The following PSEN2 variants were observed in gnomAD, a reference collection of about 807,000 sequenced individuals.
PSEN2 encodes presenilin-2.
Under a neutral mutation model 49.1 loss-of-function variants are expected in PSEN2, and 32 were observed. The observed-to-expected ratio is 0.65, with a 90% CI of 0.49 to 0.88. The LOEUF is 0.88. Among genes scored for constraint, PSEN2 ranks in the 40% least tolerant of loss-of-function variants. The pLI is 0.00. For synonymous variants in PSEN2, 255 were observed against 244.0 expected (o/e 1.05, Z -0.42); for missense variants, 522 against 586.9 (o/e 0.89, Z 1.14).
chr1:226,890,185 T>TG (rs759720367), intron 9 of PSEN2, 52 bp downstream of exon 9: 5 of 1,461,546 alleles, frequency 3.4e-6, no homozygotes, highest in African/African-American at 2.8e-5. Flanking sequence ...AGGCAGCCTG[T>TG]GGGGGGACAG....
rs1444327784 is a variant in PSEN2, at chr1:226,889,035, C to A, written c.773C>A (p.Ala258Asp). 1 of 1,613,662 alleles carries A rather than the reference C, an allele frequency of 6.2e-7. No homozygotes were observed. The highest frequency in any genetic ancestry group is 2.2e-5 in the East Asian group (1 of 44,890). ...TGGTCCGCGTGGGTCATCCTGGGCG[C>A]CATCTCTGTGTATGGTAGGTGGGCA... Reference protein sequence around the residue: ...PEWSAWVILGAISVYDLVAVL... With the variant: ...PEWSAWVILGDISVYDLVAVL... The change falls in exon 8 of 13, where the codon GCC becomes GAC. Residue 258 changes from alanine to aspartate, a missense_variant. Coordinates refer to ENST00000366783, the MANE Select transcript of PSEN2 (RefSeq NM_000447.3).
chr1:226,881,882 T>C lies in PSEN2; in HGVS notation c.-20-6T>C, dbSNP rs770896224. On this transcript the variant is annotated splice_polypyrimidine_tract_variant and splice_region_variant and intron_variant, in intron 3 of 12. Coordinates refer to ENST00000366783, the MANE Select transcript of PSEN2 (RefSeq NM_000447.3). ...TGGAACAAGGTCCTTGTGCTCCTTTTTCCAGGTGCTTCCAGAGGCAGGGCT... is the reference window on the plus strand; with the variant it reads ...TGGAACAAGGTCCTTGTGCTCCTTTCTCCAGGTGCTTCCAGAGGCAGGGCT... 10 of 1,614,258 alleles carry C rather than the reference T, an allele frequency of 6.2e-6. No homozygotes were observed. The highest frequency in any genetic ancestry group is 8.5e-6 in the Non-Finnish European group (10 of 1,180,038).
At chr1:226,871,050 A>T (rs1306641804) in intron 1 of PSEN2, 1 of 152,226 alleles carries the variant, frequency 6.6e-6, no homozygotes, top group African/African-American at 2.4e-5. Flanking sequence ...TGGGTCTCTG[A>T]GGCGTGTAGC....
At chr1:226,902,159 A>G (rs1435506575) in intron 12 of PSEN2, among the ~76,000 whole-genome samples, 1 of 152,206 alleles carries the variant, frequency 6.6e-6, no homozygotes, top group Non-Finnish European at 1.5e-5. Flanking sequence ...TCAGGTCATC[A>G]GGCATTAGAT....
At position 226,895,658 on chromosome 1, in the gene PSEN2, A is replaced by T; in HGVS notation, c.*79A>T. On this transcript the variant is annotated 3_prime_UTR_variant, in exon 13 of 13. Coordinates refer to ENST00000366783, the MANE Select transcript of PSEN2 (RefSeq NM_000447.3). Reference sequence around the variant, plus strand: ...TTGTATAGTTTTACACTCTAGTGCCATATATTTTTAAGACTTTTCTTTCCT... The same window carrying T: ...TTGTATAGTTTTACACTCTAGTGCCTTATATTTTTAAGACTTTTCTTTCCT... 3.4e-6 allele frequency: 5 copies of T among 1,463,766 alleles called. No homozygotes were observed. Among genetic ancestry groups the T allele is most frequent in the Non-Finnish European group, 4.7e-6 (5 of 1,070,644 alleles). 90.7% of individuals were successfully genotyped at this position (1,463,766 alleles called of 1,614,324 possible). A position where few individuals can be genotyped will look rare whatever the true frequency, so the allele number is the denominator to read the frequency against.
chr1:226,893,904 C>G, intron 11 of PSEN2, 103 bp from the exon 12 acceptor site: 2 of 997,536 alleles, frequency 2.0e-6, no homozygotes, highest in Non-Finnish European at 1.6e-6. Context: ...GTGGGGTGGG[C>G]TGGGCTGGGC....
chr1:226,881,403 C>T (rs1055317559), intron 3 of PSEN2, among the ~76,000 whole-genome samples: 5 of 152,188 alleles, frequency 3.3e-5, no homozygotes, highest in Non-Finnish European at 7.3e-5. Flanking sequence ...AGAAAACATT[C>T]GTGATCTCTG....
chr1:226,877,421 C>T (rs758246220), intron 3 of PSEN2, among the ~76,000 whole-genome samples: 2 of 152,168 alleles, frequency 1.3e-5, no homozygotes, highest in African/African-American at 2.4e-5. Flanking sequence ...TGTTTAGTGC[C>T]GGCTAAGGGC....
chr1:226,891,662 A>G (rs1661757330), intron 10 of PSEN2, 81 bp from the exon 11 acceptor site: 4 of 1,292,576 alleles, frequency 3.1e-6, no homozygotes, highest in African/African-American at 1.5e-5. Context: ...CCCTGGTAAC[A>G]CTCTGACCAG....
rs117236763 is a variant in PSEN2 at position 226,878,440 on chromosome 1, C to T, written c.-21+2890C>T. Among the ~76,000 whole-genome samples the T allele has an allele frequency of 7.7e-4, 117 of 152,246 alleles. 2 individuals are homozygous for T. In the East Asian group the frequency reaches 0.019, roughly 25 times the overall value. On this transcript the variant is annotated intron_variant, in intron 3 of 12. Coordinates refer to ENST00000366783, the MANE Select transcript of PSEN2 (RefSeq NM_000447.3). ...AACTGATTCTACTTGATCCTGGGTCCCCTGCTTCTCCATCTTCACCCACCC... is the reference window on the plus strand; with the variant it reads ...AACTGATTCTACTTGATCCTGGGTCTCCTGCTTCTCCATCTTCACCCACCC...
intron 5 of PSEN2, 116 bp from the exon 6 acceptor site, chr1:226,885,422 T>C: frequency 8.4e-7 from 1 of 1,188,764 alleles, no homozygotes; most frequent in Non-Finnish European, 1.2e-6. Flanking sequence ...CAGGGCAGCA[T>C]GTGGGCAGCA....
downstream of PSEN2, among the ~76,000 whole-genome samples, chr1:226,900,153 G>A (rs969563766): frequency 2.0e-5 from 3 of 152,162 alleles, no homozygotes; most frequent in African/African-American, 4.8e-5. Flanking sequence ...AATGGGCCCC[G>A]GGAGGCAGCA....
At chr1:226,885,959 T>A (rs1310346685) in intron 6 of PSEN2, among the ~76,000 whole-genome samples, 1 of 103,148 alleles carries the variant, frequency 9.7e-6, no homozygotes, top group Non-Finnish European at 2.0e-5. Context: ...AGCCTCAACC[T>A]CCTGGGCTCA....
intron 2 of PSEN2, among the ~76,000 whole-genome samples, chr1:226,873,513 T>C (rs554436706): frequency 2.6e-4 from 39 of 152,218 alleles, no homozygotes; most frequent in African/African-American, 9.1e-4. Flanking sequence ...CTTGCCGGGT[T>C]CTAGCGACTC....
intron 11 of PSEN2, among the ~76,000 whole-genome samples, chr1:226,892,677 A>G (rs965734081): frequency 6.6e-6 from 1 of 152,096 alleles, no homozygotes; most frequent in South Asian, 2.1e-4. Context: ...CGCACCCTCC[A>G]GGCAGGCTTG....
chr1:226,891,220 C>A, intron 9 of PSEN2, 58 bp from the exon 10 acceptor site: 2 of 1,496,162 alleles, frequency 1.3e-6, no homozygotes, highest in Admixed American at 1.8e-5. Context: ...CTCCCCCAGG[C>A]CCTGCAGGCA....
Position 226,882,014 on chromosome 1 carries a change from A to G in PSEN2, c.107A>G (p.Gln36Arg), listed in dbSNP as rs1389549012. The G allele has an allele frequency of 1.2e-6, 2 of 1,614,172 alleles. No individual in the cohort carries two copies. The highest frequency in any genetic ancestry group is 1.7e-6 in the Non-Finnish European group (2 of 1,180,040). The change falls in exon 4 of 13, where the codon CAG becomes CGG. Residue 36 changes from glutamine (Q) to arginine (R), a missense_variant. Transcript: ENST00000366783. ...CCGCGCTCCTGCCAGGAGGGCAGGC[A>G]GGGCCCAGAGGATGGAGAGAACACT... Reference protein sequence around the residue: ...PTPRSCQEGRQGPEDGENTAQ... With the variant: ...PTPRSCQEGRRGPEDGENTAQ...
intron 10 of PSEN2, 124 bp from the exon 11 acceptor site, chr1:226,891,619 G>A (rs543669793): frequency 2.2e-6 from 2 of 919,042 alleles, no homozygotes; most frequent in African/African-American, 1.6e-5. Flanking sequence ...TCAGGTGCTG[G>A]TGCTCAGGGG....
chr1:226,893,995 C>G lies in PSEN2; in HGVS notation c.1073-12C>G. The stretch of plus-strand genomic sequence containing the variant: ...GCCTCTTCAGTACGGGTTACTGTCT[C>G]TCCTCACACAGGGGGCGTGAAGCTT... On this transcript the variant is annotated splice_polypyrimidine_tract_variant and intron_variant, in intron 11 of 12. Coordinates refer to ENST00000366783, the MANE Select transcript of PSEN2 (RefSeq NM_000447.3). 1 of 1,603,812 alleles carries G rather than the reference C, an allele frequency of 6.2e-7. No homozygotes were observed. Among genetic ancestry groups the G allele is most frequent in the East Asian group, 2.2e-5 (1 of 44,840 alleles).
Sources: gnomAD v4.1 joint callset for allele counts (sites outside exome capture counted in the v4.1 genomes callset) on GRCh38, gnomAD v4.1.1 for gene constraint, MANE v1.5 for transcripts, NCBI Gene and HGNC (gene_info 2026-07-23, HGNC 2026-07-21) for gene names.